COL4A6: variants seen among roughly 807,000 people sequenced by gnomAD.
COL4A6 encodes collagen type IV alpha 6 chain, also known as collagen alpha-6(IV) chain.
A neutral mutation model predicts 126.7 loss-of-function variants in COL4A6; 59 were observed. The observed-to-expected ratio is 0.47, with a 90% confidence interval of 0.38 to 0.58. The LOEUF is 0.58. COL4A6 is among the 20% of genes least tolerant of loss of function. The probability of loss-of-function intolerance (pLI) is 0.00; values close to 1 mark genes in which losing one functional copy is unlikely to be tolerated. For missense variants in COL4A6, 1,285 were observed against 1,337.3 expected (o/e 0.96, Z 0.61); for synonymous variants, 547 against 496.6 (o/e 1.10, Z -1.35).
chrX:108,319,723 G>C (rs920851936), intron 2 of COL4A6, among the ~76,000 whole-genome samples: 2 of 112,236 alleles, frequency 1.8e-5, no homozygotes, highest in Admixed American at 1.9e-4. Context: ...GGGAAGTGAG[G>C]AACTGGAGTA....
At chrX:108,338,148 G>A (rs1022249989) in intron 2 of COL4A6, among the ~76,000 whole-genome samples, 1 of 111,688 alleles carries the variant, frequency 9.0e-6, no homozygotes, top group African/African-American at 3.3e-5. Context: ...GCTGATAATA[G>A]AGAAATCACT....
chrX:108,316,881 T>C (rs1273457276), intron 2 of COL4A6, among the ~76,000 whole-genome samples: 1 of 112,224 alleles, frequency 8.9e-6, no homozygotes, highest in African/African-American at 3.2e-5. Context: ...GGATACATGG[T>C]AAAGCCAGAG....
intron 3 of COL4A6, among the ~76,000 whole-genome samples, chrX:108,293,186 C>T (rs2038222598): frequency 9.1e-6 from 1 of 109,973 alleles, no homozygotes; most frequent in South Asian, 4.0e-4. Context: ...CATATTTGAA[C>T]CAGACAGATA....
At chrX:108,170,573 G>A in intron 35 of COL4A6, 36 bp downstream of exon 35, 2 of 1,104,809 alleles carry the variant, frequency 1.8e-6, no homozygotes, top group Non-Finnish European at 2.5e-6. Flanking sequence ...TCGAGGGAAA[G>A]ACTTTTCCCC....
At chrX:108,231,503 C>T (rs1395845948) in intron 3 of COL4A6, among the ~76,000 whole-genome samples, 4 of 112,272 alleles carry the variant, frequency 3.6e-5, no homozygotes, top group African/African-American at 1.3e-4. Context: ...AATTCACCTC[C>T]TCTATTCTTT....
intron 3 of COL4A6, among the ~76,000 whole-genome samples, chrX:108,302,053 A>G (rs1199825140): frequency 9.0e-6 from 1 of 111,520 alleles, no homozygotes; most frequent in Non-Finnish European, 1.9e-5. Context: ...GTGGTCTCCA[A>G]ATCCTTTTGA....
chrX:108,187,836 C>T lies in COL4A6; in HGVS notation c.1767+12G>A, dbSNP rs754166971. Reference sequence around the variant, plus strand: ...ATCTGTAGAGCTAATCACCTAGGAACGATCAACTTACCGGAAGGCCTGGCA... The same window carrying T: ...ATCTGTAGAGCTAATCACCTAGGAATGATCAACTTACCGGAAGGCCTGGCA... On this transcript the variant is annotated intron_variant, in intron 22 of 44. Transcript: ENST00000334504. The T allele has an allele frequency of 9.2e-6, 11 of 1,197,865 alleles. No individual in the cohort carries two copies. The highest frequency in any genetic ancestry group is 8.8e-5 in the Admixed American group (4 of 45,606).
chrX:108,162,431 GGAGGAA>G (rs1379544210), intron 41 of COL4A6, among the ~76,000 whole-genome samples: 1 of 101,208 alleles, frequency 9.9e-6, no homozygotes, highest in East Asian at 2.9e-4. Flanking sequence ...AAGAAGAGGA[GGAGGAA>G]GAGGAAGACG....
At chrX:108,384,802 C>A (rs892599033) in intron 2 of COL4A6, among the ~76,000 whole-genome samples, 3 of 111,934 alleles carry the variant, frequency 2.7e-5, no homozygotes, top group Admixed American at 9.5e-5. Flanking sequence ...AATAACTTGT[C>A]TAAGGTCACA....
chrX:108,223,385 TA>T (rs768466794), intron 3 of COL4A6, among the ~76,000 whole-genome samples: 1 of 111,535 alleles, frequency 9.0e-6, no homozygotes, highest in African/African-American at 3.3e-5. Flanking sequence ...ATAATTTTTT[TA>T]AAAAAAGAAA....
intron 2 of COL4A6, among the ~76,000 whole-genome samples, chrX:108,387,958 C>A (rs1474161728): frequency 1.8e-5 from 2 of 111,857 alleles, no homozygotes; most frequent in Non-Finnish European, 3.8e-5. Flanking sequence ...GCCTTTTCTG[C>A]ATCTATTGAG....
chrX:108,305,414 A>G (rs748863791), intron 3 of COL4A6, among the ~76,000 whole-genome samples: 1 of 111,957 alleles, frequency 8.9e-6, no homozygotes, highest in African/African-American at 3.2e-5. Flanking sequence ...GGGCCAGGTA[A>G]TAAAGGACTT....
At chrX:108,428,133 A>T (rs771908772) in intron 2 of COL4A6, among the ~76,000 whole-genome samples, 1 of 111,217 alleles carries the variant, frequency 9.0e-6, no homozygotes, top group South Asian at 3.8e-4. Flanking sequence ...CTTGGGCCAC[A>T]AATAAAATAC....
At chrX:108,210,767 A>G (rs1046204432) in intron 7 of COL4A6, among the ~76,000 whole-genome samples, 9 of 111,723 alleles carry the variant, frequency 8.1e-5, no homozygotes, top group African/African-American at 2.9e-4. Flanking sequence ...TAAAATGAGC[A>G]ATACGAGTCC....
Position 108,282,333 on chromosome X carries a change from G to A in COL4A6, c.144+28415C>T, listed in dbSNP as rs867164942. Among the ~76,000 whole-genome samples the A allele has an allele frequency of 4.7e-3, 502 of 106,403 alleles. 3 individuals carry two copies. The highest frequency in any genetic ancestry group is 0.015 in the African/African-American group (452 of 29,261). The allele number at this position is 106,403 out of a possible 115,157, so 92.4% of individuals were successfully genotyped here. ...CAAACAACCCCATCAAAAAGTGGGC[G>A]AAGGACATGAACAGACACTTCTCAA... is the stretch of plus-strand genomic sequence containing the variant. On this transcript the variant is annotated intron_variant, in intron 3 of 44. Transcript: ENST00000334504.
At chrX:108,339,344 C>G (rs558507495) in intron 2 of COL4A6, among the ~76,000 whole-genome samples, 1 of 111,979 alleles carries the variant, frequency 8.9e-6, no homozygotes, top group South Asian at 3.8e-4. Context: ...TCATTGTATT[C>G]GATTTTTGGC....
At chrX:108,414,255 G>A (rs1300555010) in intron 2 of COL4A6, among the ~76,000 whole-genome samples, 1 of 112,045 alleles carries the variant, frequency 8.9e-6, no homozygotes, top group African/African-American at 3.2e-5. Context: ...CTCCAGTTAG[G>A]AAGATGCGAA....
chrX:108,382,594 C>T (rs2040581579), intron 2 of COL4A6, among the ~76,000 whole-genome samples: 1 of 110,578 alleles, frequency 9.0e-6, no homozygotes, highest in African/African-American at 3.3e-5. Context: ...AAACCTCCCT[C>T]CAATCCCCAA....
At chrX:108,273,665 G>A (rs1166453066) in intron 3 of COL4A6, among the ~76,000 whole-genome samples, 2 of 112,168 alleles carry the variant, frequency 1.8e-5, no homozygotes, top group African/African-American at 6.5e-5. Context: ...AAAGGGATGA[G>A]TTCATGTCCT....
Sources: gnomAD v4.1 joint callset for allele counts (sites outside exome capture counted in the v4.1 genomes callset) on GRCh38, gnomAD v4.1.1 for gene constraint, MANE v1.5 for transcripts, NCBI Gene and HGNC (gene_info 2026-07-23, HGNC 2026-07-21) for gene names.